The following RGPD2 variants were observed in gnomAD, a reference collection of about 807,000 sequenced individuals.
The protein encoded by RGPD2 is RANBP2 like and GRIP domain containing 2.
In RGPD2, 2 loss-of-function variants were observed where a neutral mutation model predicts 36.0. That is an observed-to-expected ratio of 0.06 (90% confidence interval 0.02 to 0.17). The LOEUF (loss-of-function observed/expected upper bound fraction) is 0.17, where lower values mean the gene tolerates loss of function less well. Ranked by LOEUF, RGPD2 falls within the 10% of genes least tolerant of loss-of-function variation. RGPD2 has a pLI of 1.00. For missense variants in RGPD2, 40 were observed against 464.3 expected (o/e 0.09, Z 8.40); for synonymous variants, 19 against 163.8 (o/e 0.12, Z 6.75).
chr2:87,872,799 G>T, the RGPD2 span, among the ~76,000 whole-genome samples: 2 of 150,984 alleles, frequency 1.3e-5, no homozygotes, highest in African/African-American at 4.9e-5. Flanking sequence ...TTCCTCTGTC[G>T]CCCAGGCTGG....
chr2:87,825,636 G>GCCCGGCCA (rs1342283884), intron 1 of RGPD2, 22 bp downstream of exon 1: 3 of 1,542,454 alleles, frequency 1.9e-6, no homozygotes, highest in African/African-American at 1.4e-5. Flanking sequence ...CGAGGCCGTC[G>GCCCGGCCA]GTCTCTTCGA....
the RGPD2 span, among the ~76,000 whole-genome samples, chr2:87,988,547 T>TTTTGTTTTG: frequency 3.6e-4 from 12 of 33,086 alleles, no homozygotes; most frequent in African/African-American, 6.0e-4. Flanking sequence ...ATATATTTTT[T>TTTTGTTTTG]TTTTTTCTTT....
chr2:87,845,949 T>A, the RGPD2 span, among the ~76,000 whole-genome samples: 3 of 151,762 alleles, frequency 2.0e-5, no homozygotes, highest in East Asian at 5.8e-4. Context: ...GTGATTTTAT[T>A]TTCTTAATGA....
chr2:87,872,484 A>T, the RGPD2 span, among the ~76,000 whole-genome samples: 1 of 152,136 alleles, frequency 6.6e-6, no homozygotes, highest in African/African-American at 2.4e-5. Context: ...TGTTGTTTTT[A>T]ATTGTTTTTA....
chr2:87,841,593 A>G, the RGPD2 span, among the ~76,000 whole-genome samples: 1 of 152,072 alleles, frequency 6.6e-6, no homozygotes, highest in African/African-American at 2.4e-5. Context: ...GGGTGTATCC[A>G]TGACCAGATG....
chr2:87,807,400 T>TG (rs1685997444), intron 6 of RGPD2, among the ~76,000 whole-genome samples: 1 of 140,096 alleles, frequency 7.1e-6, no homozygotes, highest in Non-Finnish European at 1.5e-5. Context: ...TTTTTTTTTT[T>TG]TTTTGAGACA....
At chr2:87,932,788 T>C in the RGPD2 span, among the ~76,000 whole-genome samples, 313 of 152,000 alleles carry the variant, frequency 2.1e-3, no homozygotes, top group African/African-American at 7.3e-3. Context: ...CCCGATTCCT[T>C]CTGGTTTATA....
At chr2:87,911,579 G>A in the RGPD2 span, among the ~76,000 whole-genome samples, 1 of 151,900 alleles carries the variant, frequency 6.6e-6, no homozygotes, top group African/African-American at 2.4e-5. Flanking sequence ...ATGTAATTTT[G>A]TCAGGATTAT....
the RGPD2 span, among the ~76,000 whole-genome samples, chr2:87,858,142 G>A: frequency 1.3e-5 from 2 of 152,148 alleles, no homozygotes; most frequent in Non-Finnish European, 2.9e-5. Context: ...GACAGGCATG[G>A]TGGTGCGTGC....
At chr2:87,871,576 A>C in the RGPD2 span, among the ~76,000 whole-genome samples, 3 of 150,014 alleles carry the variant, frequency 2.0e-5, no homozygotes, top group African/African-American at 7.4e-5. Context: ...AGTAAAAAAT[A>C]GATTCAGGTC....
At chr2:87,836,768 C>T in the RGPD2 span, among the ~76,000 whole-genome samples, 1 of 152,080 alleles carries the variant, frequency 6.6e-6, no homozygotes, top group Non-Finnish European at 1.5e-5. Context: ...CTACATGCTC[C>T]ACCTAAAAAG....
chr2:87,818,020 TAAAAAAAAAAAA>T (rs1175812254), intron 2 of RGPD2, among the ~76,000 whole-genome samples: 3 of 65,334 alleles, frequency 4.6e-5, no homozygotes, highest in South Asian at 1.0e-3. Flanking sequence ...AGATACTGAC[TAAAAAAAAAAAA>T]AAAAAAAAAA....
At chr2:87,866,666 G>T in the RGPD2 span, among the ~76,000 whole-genome samples, 1 of 152,220 alleles carries the variant, frequency 6.6e-6, no homozygotes, top group Non-Finnish European at 1.5e-5. Context: ...TTCCCTCCTG[G>T]ATGGGGTGCT....
At chr2:87,905,568 A>C in the RGPD2 span, among the ~76,000 whole-genome samples, 3 of 151,626 alleles carry the variant, frequency 2.0e-5, no homozygotes, top group Admixed American at 2.0e-4. Context: ...AATCATTTTT[A>C]GTAAATTTAC....
the RGPD2 span, among the ~76,000 whole-genome samples, chr2:87,834,571 G>A: frequency 6.6e-6 from 1 of 152,002 alleles, no homozygotes; most frequent in Non-Finnish European, 1.5e-5. Context: ...CAATTGGAAA[G>A]ATTTAAAATA....
the RGPD2 span, among the ~76,000 whole-genome samples, chr2:87,854,047 A>G: frequency 6.6e-6 from 1 of 151,690 alleles, no homozygotes; most frequent in Non-Finnish European, 1.5e-5. Context: ...ATTGAAACAG[A>G]ATCGTGTGTG....
chr2:87,973,479 C>A, the RGPD2 span, among the ~76,000 whole-genome samples: 12,767 of 102,152 alleles, frequency 0.12, 754 homozygotes, highest in Middle Eastern at 0.14. Flanking sequence ...ACATCCCATA[C>A]GTAGTTTTGA....
At chr2:87,824,886 C>G in intron 1 of RGPD2, 1 of 206,924 alleles carries the variant, frequency 4.8e-6, no homozygotes, top group Non-Finnish European at 9.3e-6. Context: ...CCGCCGCCGC[C>G]GCACATTAAC....
chr2:87,948,645 T>C, the RGPD2 span, among the ~76,000 whole-genome samples: 208 of 133,296 alleles, frequency 1.6e-3, no homozygotes, highest in African/African-American at 5.6e-3. Flanking sequence ...CCTCCCAAAG[T>C]GCTGGGATTA....
Sources: gnomAD v4.1 joint callset for allele counts (sites outside exome capture counted in the v4.1 genomes callset) on GRCh38, gnomAD v4.1.1 for gene constraint, MANE v1.5 for transcripts, NCBI Gene and HGNC (gene_info 2026-07-23, HGNC 2026-07-21) for gene names.